RAPGEF6: variants seen among roughly 807,000 people sequenced by gnomAD.
RAPGEF6 encodes the protein PDZ domain containing guanine nucleotide exchange factor (GEF) 2.
In RAPGEF6, 56 loss-of-function variants were observed where a neutral mutation model predicts 171.4. That is an observed-to-expected ratio of 0.33 (90% CI 0.26 to 0.41). RAPGEF6 has a LOEUF of 0.41. RAPGEF6 is among the 10% of genes least tolerant of loss of function. The probability of loss-of-function intolerance (pLI) is 1.00; values close to 1 mark genes in which losing one functional copy is unlikely to be tolerated. For synonymous variants in RAPGEF6, 692 were observed against 650.1 expected (o/e 1.06, Z -0.98); for missense variants, 1,674 against 1,921.4 (o/e 0.87, Z 2.41).
At chr5:131,458,294 T>A (rs946147575) in intron 19 of RAPGEF6, among the ~76,000 whole-genome samples, 7 of 152,116 alleles carry the variant, frequency 4.6e-5, no homozygotes, top group Admixed American at 2.6e-4. Flanking sequence ...TCTCAAGAGA[T>A]CTGATGGTTT....
intron 22 of RAPGEF6, among the ~76,000 whole-genome samples, chr5:131,446,176 G>A (rs1752677369): frequency 6.6e-6 from 1 of 152,040 alleles, no homozygotes; most frequent in Non-Finnish European, 1.5e-5. Flanking sequence ...TTCCACTTAT[G>A]TTTACTCTTT....
In RAPGEF6 at chr5:131,445,919, A is replaced by G. The variant is rs77172912; in HGVS notation, c.3421+564T>C. Reference sequence around the variant, plus strand: ...TCTTTGATTTCTGCTCTTAGAATTCATAATTTCCTTGATCCAAATATATAT... The same window carrying G: ...TCTTTGATTTCTGCTCTTAGAATTCGTAATTTCCTTGATCCAAATATATAT... On this transcript the variant is annotated intron_variant, in intron 22 of 27. Transcript: ENST00000509018. Among the ~76,000 whole-genome samples the G allele has an allele frequency of 1.1e-4, 17 of 152,270 alleles. No individual in the cohort carries two copies. The East Asian group carries it at 3.3e-3, about 29-fold the overall frequency.
intron 4 of RAPGEF6, among the ~76,000 whole-genome samples, chr5:131,563,554 A>T (rs1394872369): frequency 1.3e-5 from 2 of 152,314 alleles, no homozygotes; most frequent in African/African-American, 4.8e-5. Context: ...CCCAGGCTGC[A>T]GTGCAGTGGT....
rs1040429221 is a variant in RAPGEF6, at chr5:131,424,683, G to A, written c.*2583C>T. On this transcript the variant is annotated 3_prime_UTR_variant, in exon 28 of 28. Coordinates refer to ENST00000509018, the MANE Select transcript of RAPGEF6 (RefSeq NM_016340.6). ...AAGATCATATTGAAAGTAATCATTT[G>A]GAGTAAATTAGAATTATTAACTTTA... 2.6e-5 allele frequency: 4 copies of A among 152,186 alleles called. No individual in the cohort carries two copies. Among genetic ancestry groups the A allele is most frequent in the African/African-American group, 9.7e-5 (4 of 41,396 alleles). 9.4% of individuals were successfully genotyped at this position (152,186 alleles called of 1,614,324 possible).
chr5:131,604,660 T>G lies in RAPGEF6; in HGVS notation c.103A>C (p.Met35Leu). 7 of 1,611,820 alleles carry G rather than the reference T, an allele frequency of 4.3e-6. No homozygotes were observed. The highest frequency in any genetic ancestry group is 5.9e-6 in the Non-Finnish European group (7 of 1,178,994). The change falls in exon 2 of 28, where the codon ATG becomes CTG. Residue 35 changes from methionine (M) to leucine (L), a missense_variant. Physicochemically the swap from Met to Leu is conservative, Grantham distance 15. This residue lies in a region of RAPGEF6 where 1,116 missense variants were observed against 1,321.5 expected (regional missense o/e 0.84). Transcript: ENST00000509018. ...TCCCTGAGATTTGATAATATTTCCA[T>G]TCCATGAAGATAAGAATAAATAGTA... ...LNTIYSYLHG[M>L]EILSNLREHQ... is the part of the protein sequence containing the mutation.
chr5:131,477,590 A>G (rs889203996), intron 16 of RAPGEF6, among the ~76,000 whole-genome samples: 10 of 152,222 alleles, frequency 6.6e-5, no homozygotes, highest in Non-Finnish European at 1.3e-4. Context: ...ATTCAGGTAC[A>G]GTAACTAATT....
chr5:131,557,499 ATCATG>A (rs1432032080), intron 5 of RAPGEF6, among the ~76,000 whole-genome samples: 1 of 152,200 alleles, frequency 6.6e-6, no homozygotes, highest in African/African-American at 2.4e-5. Flanking sequence ...CTACATACAA[ATCATG>A]TCATCTGTAA....
At position 131,548,173 on chromosome 5, in the gene RAPGEF6, A is replaced by G; in HGVS notation, c.369T>C (p.Asp123=). 6.2e-7 allele frequency: 1 copy of G among 1,613,786 alleles called. No individual in the cohort carries two copies. Among genetic ancestry groups the G allele is most frequent in the South Asian group, 1.1e-5 (1 of 91,026 alleles). The change falls in exon 6 of 28, where the codon GAT becomes GAC. Residue 123 remains aspartate (D), a synonymous_variant. Transcript: ENST00000509018. The stretch of plus-strand genomic sequence containing the variant: ...CTCTTTGTAGAATACTATCTTCATT[A>G]TCTTTGGCATTCTCTACCTGAAACA... ...SEMIVVENAK[D]NEDSILQREI...
At chr5:131,432,090 TG>T (rs1751743579) in intron 25 of RAPGEF6, among the ~76,000 whole-genome samples, 1 of 152,126 alleles carries the variant, frequency 6.6e-6, no homozygotes, top group Admixed American at 6.5e-5. Context: ...TTGTATGGTC[TG>T]GAGCAAAGAA....
chr5:131,493,387 C>A (rs537011424), intron 13 of RAPGEF6, among the ~76,000 whole-genome samples: 1 of 152,186 alleles, frequency 6.6e-6, no homozygotes, highest in South Asian at 2.1e-4. Flanking sequence ...TTAAACTTTT[C>A]CTAATACACA....
At chr5:131,632,271 T>C (rs1053462694) in intron 1 of RAPGEF6, among the ~76,000 whole-genome samples, 7 of 152,182 alleles carry the variant, frequency 4.6e-5, no homozygotes, top group Non-Finnish European at 8.8e-5. Context: ...GCTTGCTATT[T>C]CTGGAATGCA....
intron 1 of RAPGEF6, among the ~76,000 whole-genome samples, chr5:131,605,973 T>C (rs1001816161): frequency 7.6e-6 from 1 of 132,370 alleles, no homozygotes; most frequent in Non-Finnish European, 1.5e-5. Flanking sequence ...GAGCTTGCAG[T>C]GAGCTGAGAT....
At chr5:131,483,280 C>T (rs1042486032) in intron 15 of RAPGEF6, among the ~76,000 whole-genome samples, 37 of 144,254 alleles carry the variant, frequency 2.6e-4, no homozygotes, top group African/African-American at 8.8e-4. Flanking sequence ...ACCTGGGAGG[C>T]GGAGGTTGCA....
Position 131,433,578 on chromosome 5 carries a change from C to G in RAPGEF6, c.3826G>C (p.Val1276Leu), listed in dbSNP as rs6872389. ...HSEISSRSSI[V>L]SNCSVDSMSA... ...ATGGAGTCAACAGAACAATTGCTCA[C>G]GATGCTGGACCGTGAAGAAATCTCA... is the stretch of plus-strand genomic sequence containing the variant. Residue 1276 changes from valine (V) to leucine (L), a missense_variant, in exon 25 of 28, where the codon GTG (valine) becomes CTG (leucine). Around this residue, in one of 3 missense-constraint regions of RAPGEF6, gnomAD observed 552 missense variants for 574.2 expected, o/e 0.96. Coordinates refer to ENST00000509018, the MANE Select transcript of RAPGEF6 (RefSeq NM_016340.6). 1 of 1,613,746 alleles carries G rather than the reference C, an allele frequency of 6.2e-7. No individual in the cohort carries two copies. The highest frequency in any genetic ancestry group is 1.1e-5 in the South Asian group (1 of 91,078).
At position 131,562,020 on chromosome 5, in the gene RAPGEF6, T is replaced by C; in HGVS notation, c.309A>G (p.Arg103=). The change falls in exon 5 of 28, where the codon AGA becomes AGG. Residue 103 remains arginine, a synonymous_variant. Transcript: ENST00000509018. ...CSFGKQFGGK[R]GCDCLVLEPS... is the part of the protein sequence containing the mutation. ...GCTCTAATACAAGACAATCACATCC[T>C]CTTTTTCCTCCAAACTGCTTACCAA... 1 of 1,590,296 alleles carries C rather than the reference T, an allele frequency of 6.3e-7. No homozygotes were observed.
At chr5:131,611,033 G>C (rs1420858085) in intron 1 of RAPGEF6, among the ~76,000 whole-genome samples, 1 of 152,196 alleles carries the variant, frequency 6.6e-6, no homozygotes, top group African/African-American at 2.4e-5. Flanking sequence ...AGGAATGCCT[G>C]TTCTGGGAGA....
At chr5:131,433,761 A>G (rs1223665818) in intron 24 of RAPGEF6, 103 bp from the exon 25 acceptor site, 5 of 876,668 alleles carry the variant, frequency 5.7e-6, no homozygotes, top group African/African-American at 5.1e-5. Context: ...AAATAACAGA[A>G]GACAAAGTAG....
intron 15 of RAPGEF6, among the ~76,000 whole-genome samples, chr5:131,487,934 TAATA>T (rs1393605664): frequency 6.6e-6 from 1 of 152,226 alleles, no homozygotes; most frequent in Non-Finnish European, 1.5e-5. Flanking sequence ...CTTTGTAATT[TAATA>T]GATAAATTAA....
intron 3 of RAPGEF6, among the ~76,000 whole-genome samples, chr5:131,595,780 A>G (rs546685011): frequency 2.6e-5 from 4 of 152,230 alleles, no homozygotes; most frequent in Middle Eastern, 3.2e-3. Flanking sequence ...TAGATATAGA[A>G]TGGCTGAATG....
Sources: allele counts gnomAD v4.1 joint callset (sites outside exome capture counted in the v4.1 genomes callset), GRCh38; gene constraint gnomAD v4.1.1; regional missense constraint gnomAD v4.1.1; transcripts MANE v1.5; gene names NCBI Gene and HGNC (gene_info 2026-07-23, HGNC 2026-07-21).